Variants in GARNL3 observed in about 807,000 individuals in gnomAD.
GARNL3 encodes the protein GTPase activating Rap/RanGAP domain like 3, also known as GTPase-activating Rap/Ran-GAP domain-like protein 3.
In GARNL3, 63 loss-of-function variants were observed where a neutral mutation model predicts 125.0. The observed-to-expected ratio is 0.50, with a 90% confidence interval of 0.41 to 0.62. GARNL3 has a LOEUF of 0.62. GARNL3 is among the 20% of genes least tolerant of loss of function. GARNL3 has a pLI of 0.00. For synonymous variants in GARNL3, 439 were observed against 457.5 expected, an observed-to-expected ratio of 0.96 and a Z score of 0.52; for missense variants, 994 against 1,244.0, an observed-to-expected ratio of 0.80 and a Z score of 3.02.
intron 1 of GARNL3, among the ~76,000 whole-genome samples, chr9:127,231,172 A>T (rs971411042): frequency 7.0e-6 from 1 of 143,336 alleles, no homozygotes; most frequent in African/African-American, 2.6e-5. Context: ...CTCCTGCCTC[A>T]GCTTCCCTAG....
At chr9:127,277,147 G>C (rs2063977920) in intron 1 of GARNL3, among the ~76,000 whole-genome samples, 2 of 152,168 alleles carry the variant, frequency 1.3e-5, no homozygotes, top group Non-Finnish European at 2.9e-5. Context: ...GTTCTGATTT[G>C]GCATATCTGG....
At chr9:127,253,926 A>G (rs1246283553) in intron 2 of GARNL3, among the ~76,000 whole-genome samples, 2 of 152,200 alleles carry the variant, frequency 1.3e-5, no homozygotes, top group East Asian at 3.8e-4. Flanking sequence ...AGGATACACA[A>G]TTGCAGATAA....
rs2131610259 is a variant in GARNL3, at chr9:127,342,242, T to C, written c.1159T>C (p.Leu387=). Residue 387 remains leucine (L), a synonymous_variant, in exon 14 of 28, where the codon TTG becomes CTG. Coordinates refer to ENST00000373387, the MANE Select transcript of GARNL3 (RefSeq NM_032293.5). The stretch of plus-strand genomic sequence containing the variant: ...AGTAATTAATGGTGAAAAAGCCACT[T>C]TGGAAACCCCAACATTTGCCCAGAA... ...VKLINGEKAT[L]ETPTFAQKRR... is the part of the protein sequence containing the mutation. 6.2e-7 allele frequency: 1 copy of C among 1,613,420 alleles called. No individual in the cohort carries two copies. The highest frequency in any genetic ancestry group is 2.2e-5 in the East Asian group (1 of 44,878).
At chr9:127,365,410 T>A in intron 22 of GARNL3, 44 bp downstream of exon 22, 1 of 1,399,596 alleles carries the variant, frequency 7.1e-7, no homozygotes, top group Non-Finnish European at 1.0e-6. Context: ...TTAAATGGAC[T>A]GCTTTTTTTT....
At chr9:127,250,864 G>A (rs113431980) in intron 2 of GARNL3, among the ~76,000 whole-genome samples, 4 of 152,052 alleles carry the variant, frequency 2.6e-5, no homozygotes, top group Admixed American at 1.3e-4. Flanking sequence ...CTGCCAGGAC[G>A]TCCTGGCCCT....
intron 22 of GARNL3, among the ~76,000 whole-genome samples, chr9:127,378,579 C>T (rs1832063700): frequency 2.7e-5 from 2 of 75,270 alleles, no homozygotes; most frequent in African/African-American, 5.6e-5. Context: ...AAGAGTGAAA[C>T]TCCGTCACAA....
chr9:127,360,643 G>C (rs1050887993), intron 21 of GARNL3, among the ~76,000 whole-genome samples: 5 of 152,350 alleles, frequency 3.3e-5, no homozygotes, highest in African/African-American at 1.2e-4. Flanking sequence ...ACCCAGGGCA[G>C]TGGGGACAGG....
At chr9:127,294,014 G>A (rs2064506129) in intron 2 of GARNL3, among the ~76,000 whole-genome samples, 1 of 152,060 alleles carries the variant, frequency 6.6e-6, no homozygotes, top group Non-Finnish European at 1.5e-5. Context: ...AGTTTTTGGT[G>A]GTGGAGGTGG....
rs75027960 is a variant in GARNL3 at position 127,356,814 on chromosome 9, A to G, written c.1936-405A>G. Among the ~76,000 whole-genome samples the G allele has an allele frequency of 5.0e-3, 759 of 152,338 alleles. 5 individuals carry two copies. The highest frequency in any genetic ancestry group is 0.017 in the African/African-American group (713 of 41,582). ...ATCTGTAAGACAGAATAGTAGCTGT[A>G]CCTACCTTATAAGTAGGATTCAATG... On this transcript the variant is annotated intron_variant, in intron 20 of 27. Coordinates refer to ENST00000373387, the MANE Select transcript of GARNL3 (RefSeq NM_032293.5).
At chr9:127,377,226 A>G (rs933533797) in intron 22 of GARNL3, among the ~76,000 whole-genome samples, 1 of 152,242 alleles carries the variant, frequency 6.6e-6, no homozygotes, top group African/African-American at 2.4e-5. Context: ...ACAACAGAAT[A>G]AAGTCCAGAA....
At chr9:127,338,778 G>A (rs1829691749) in intron 12 of GARNL3, among the ~76,000 whole-genome samples, 1 of 152,156 alleles carries the variant, frequency 6.6e-6, no homozygotes, top group South Asian at 2.1e-4. Flanking sequence ...GGACCATGAA[G>A]GATTCAGGAA....
intron 2 of GARNL3, among the ~76,000 whole-genome samples, chr9:127,306,243 AT>A (rs2064949428): frequency 6.6e-6 from 1 of 152,220 alleles, no homozygotes; most frequent in African/African-American, 2.4e-5. Context: ...TATCAACATG[AT>A]TTTTGAAACC....
rs1588655565 is a variant in GARNL3 at position 127,231,319 on chromosome 9, G to A, written c.-29+6981G>A. Among the ~76,000 whole-genome samples the A allele has an allele frequency of 1.0e-4, 14 of 140,246 alleles. No homozygotes were observed. The South Asian group carries it at 3.3e-3, about 33-fold the overall frequency. The allele number at this position is 140,246 out of a possible 152,430, so 92.0% of individuals were successfully genotyped here. A position where few individuals can be genotyped will look rare whatever the true frequency, so the allele number is the denominator to read the frequency against. On this transcript the variant is annotated intron_variant, in intron 1 of 10. Coordinates refer to the GARNL3 transcript ENST00000439286. ...GATCTCCTGACCTCATGATCCGCCC[G>A]CCTCGGCCTCCCAACGTGCTGGGAT...
chr9:127,321,837 A>T (rs1324500089), intron 6 of GARNL3, among the ~76,000 whole-genome samples: 1 of 152,196 alleles, frequency 6.6e-6, no homozygotes, highest in Admixed American at 6.5e-5. Context: ...ACCTTTAAGC[A>T]GGGAGCATCG....
chr9:127,302,119 T>C (rs922836172), intron 2 of GARNL3, among the ~76,000 whole-genome samples: 3 of 151,694 alleles, frequency 2.0e-5, no homozygotes, highest in Admixed American at 6.6e-5. Flanking sequence ...GTTTTTTCTA[T>C]TTTTAGTAGA....
intron 7 of GARNL3, among the ~76,000 whole-genome samples, chr9:127,326,311 CTTTAAT>C (rs974344782): frequency 1.3e-5 from 2 of 152,094 alleles, no homozygotes; most frequent in Non-Finnish European, 2.9e-5. Context: ...ACAGAGACTT[CTTTAAT>C]TTTGTGTTCC....
chr9:127,333,304 C>G (rs565510344), intron 9 of GARNL3, among the ~76,000 whole-genome samples, 183 bp downstream of exon 9: 24 of 152,134 alleles, frequency 1.6e-4, no homozygotes, highest in Non-Finnish European at 3.4e-4. Flanking sequence ...CATTGAGCTT[C>G]GTAAAACTAA....
Position 127,334,900 on chromosome 9 carries a change from G to A in GARNL3, c.770-330G>A, listed in dbSNP as rs1320247284. 2.6e-5 allele frequency among the ~76,000 whole-genome samples: 4 copies of A among 152,194 alleles called. No homozygotes were observed. The East Asian group carries it at 5.8e-4, about 22-fold the overall frequency. ...TTGGCTTATGGACATAATTGTTTGT[G>A]TCATCTTGTGTTAATTTCATCCCGT... is the stretch of plus-strand genomic sequence containing the variant. On this transcript the variant is annotated intron_variant, in intron 9 of 27. Coordinates refer to ENST00000373387, the MANE Select transcript of GARNL3 (RefSeq NM_032293.5).
chr9:127,353,802 G>A (rs1299002836), intron 17 of GARNL3, 44 bp from the exon 18 acceptor site: 8 of 1,318,212 alleles, frequency 6.1e-6, no homozygotes, highest in Non-Finnish European at 7.7e-6. Context: ...TCTGGAAAGC[G>A]TGGGCTGGGT....
Sources: allele counts gnomAD v4.1 joint callset (sites outside exome capture counted in the v4.1 genomes callset), GRCh38; gene constraint gnomAD v4.1.1; transcripts MANE v1.5; gene names NCBI Gene and HGNC (gene_info 2026-07-23, HGNC 2026-07-21).